Variants in TNRC6C observed in about 807,000 individuals in gnomAD.
TNRC6C encodes the protein trinucleotide repeat-containing gene 6C protein.
In TNRC6C, 20 loss-of-function variants were observed where a neutral mutation model predicts 153.7. That is an observed-to-expected ratio of 0.13 (90% CI 0.09 to 0.19). The LOEUF is 0.19. TNRC6C is among the 10% of genes least tolerant of loss of function. The probability of loss-of-function intolerance (pLI) is 1.00; values close to 1 mark genes in which losing one functional copy is unlikely to be tolerated. For synonymous variants in TNRC6C, 811 were observed against 841.4 expected, an observed-to-expected ratio of 0.96 and a Z score of 0.63; for missense variants, 1,987 against 2,172.0, an observed-to-expected ratio of 0.91 and a Z score of 1.69.
chr17:78,097,925 C>G (rs2073517416), intron 16 of TNRC6C, 64 bp downstream of exon 19: 2 of 1,290,242 alleles, frequency 1.6e-6, no homozygotes, highest in Non-Finnish European at 2.1e-6. Context: ...AAAACTTTGA[C>G]AGGCCCCAGC....
At chr17:78,055,213 C>CT (rs956856198) in intron 3 of TNRC6C, among the ~76,000 whole-genome samples, 5 of 151,674 alleles carry the variant, frequency 3.3e-5, no homozygotes, top group South Asian at 2.1e-4. Flanking sequence ...ATTCTATGAG[C>CT]TTTTTTTTTG....
At chr17:78,024,943 G>A (rs1268256269) in intron 1 of TNRC6C, among the ~76,000 whole-genome samples, 3 of 151,442 alleles carry the variant, frequency 2.0e-5, no homozygotes, top group African/African-American at 4.8e-5. Context: ...ACAGGTGTGC[G>A]CCATGACGCC....
At chr17:78,051,432 A>G (rs959372435) in exon 3 of TNRC6C, 1 of 1,494,438 alleles carries the variant, frequency 6.7e-7, no homozygotes, top group South Asian at 1.3e-5. Flanking sequence ...TGAATCGATC[A>G]CCGTTGCTTG....
intron 2 of TNRC6C, among the ~76,000 whole-genome samples, chr17:78,036,716 G>A (rs906397712): frequency 5.9e-5 from 9 of 152,096 alleles, no homozygotes; most frequent in African/African-American, 2.2e-4. Context: ...CTGAGGTCAG[G>A]AGTTTAAGAC....
At position 78,104,613 on chromosome 17, in the gene TNRC6C, C is replaced by A; in HGVS notation, c.4841C>A (p.Pro1614Gln). Residue 1614 changes from proline to glutamine, a missense_variant, in exon 20 of 20, where the codon CCG (proline) becomes CAG (glutamine). This residue lies in a region of TNRC6C where 139 missense variants were observed against 148.5 expected (regional missense o/e 0.94). Transcript: ENST00000301624. The surrounding 1 kb of genome is among the most constrained non-coding windows in gnomAD (Gnocchi z 6.2). ...CAGTCCAGCAGCGCGTCCAGCCAGC[C>A]GCGGCTCAGCGCAGCGGGCAGCTCC... 1 of 1,549,680 alleles carries A rather than the reference C, an allele frequency of 6.5e-7. No homozygotes were observed. Among genetic ancestry groups the A allele is most frequent in the Non-Finnish European group, 8.7e-7 (1 of 1,147,062 alleles).
intron 1 of TNRC6C, among the ~76,000 whole-genome samples, chr17:77,975,394 G>T (rs2070984533): frequency 6.6e-6 from 1 of 152,194 alleles, no homozygotes; most frequent in African/African-American, 2.4e-5. Context: ...GTGTTGAAAT[G>T]TGCTGGTGGG....
chr17:78,045,120 G>T (rs1225706589), intron 2 of TNRC6C, among the ~76,000 whole-genome samples: 1 of 152,152 alleles, frequency 6.6e-6, no homozygotes, highest in Non-Finnish European at 1.5e-5. Context: ...AAAGAGCACT[G>T]TATGCAGTGT....
At chr17:78,014,651 G>A (rs2071695207) in intron 1 of TNRC6C, among the ~76,000 whole-genome samples, 1 of 149,356 alleles carries the variant, frequency 6.7e-6, no homozygotes, top group Admixed American at 6.7e-5. Context: ...ATTGAGAGTG[G>A]CATTTGGTAC....
intron 1 of TNRC6C, among the ~76,000 whole-genome samples, chr17:77,996,407 T>G (rs1027115273): frequency 1.3e-5 from 2 of 152,184 alleles, no homozygotes; most frequent in Non-Finnish European, 2.9e-5. Context: ...CCGTGCAGCC[T>G]AGAGAATCCA....
At chr17:78,048,325 C>A (rs1323269673) in intron 2 of TNRC6C, among the ~76,000 whole-genome samples, 1 of 152,122 alleles carries the variant, frequency 6.6e-6, no homozygotes, top group African/African-American at 2.4e-5. Flanking sequence ...CACCACTTCC[C>A]CCACCCCAAA....
At chr17:78,102,311 G>A (rs1236860732) in intron 17 of TNRC6C, among the ~76,000 whole-genome samples, 163 bp from the exon 21 acceptor site, 4 of 152,206 alleles carry the variant, frequency 2.6e-5, no homozygotes, top group African/African-American at 4.8e-5. Flanking sequence ...TGAGGTTTTG[G>A]TTTACCAAAG....
intron 13 of TNRC6C, among the ~76,000 whole-genome samples, chr17:78,090,217 A>G (rs925856316): frequency 2.6e-5 from 4 of 152,166 alleles, no homozygotes; most frequent in Non-Finnish European, 4.4e-5. Flanking sequence ...AAAAATGGCT[A>G]TAGTGGGTCT....
At chr17:77,969,283 C>T (rs1286415174) in intron 1 of TNRC6C, among the ~76,000 whole-genome samples, 1 of 151,382 alleles carries the variant, frequency 6.6e-6, no homozygotes, top group African/African-American at 2.4e-5. Flanking sequence ...GGCAGAGTCT[C>T]GCTGTCACCA....
chr17:78,059,717 C>T (rs1011604018), intron 3 of TNRC6C, among the ~76,000 whole-genome samples: 2 of 151,786 alleles, frequency 1.3e-5, no homozygotes, highest in African/African-American at 4.8e-5. Flanking sequence ...GGCATAGTGG[C>T]ACACGCCTCT....
chr17:78,035,014 C>G (rs1822844164), intron 2 of TNRC6C, among the ~76,000 whole-genome samples: 1 of 152,152 alleles, frequency 6.6e-6, no homozygotes, highest in Non-Finnish European at 1.5e-5. Context: ...ATCTCTGAAC[C>G]ATAGGTGAGG....
intron 1 of TNRC6C, among the ~76,000 whole-genome samples, chr17:78,006,561 C>CCTTCTTCCTT (rs1567911022): frequency 3.6e-5 from 4 of 112,054 alleles, no homozygotes; most frequent in African/African-American, 1.3e-4. Context: ...TCTTCTTCTT[C>CCTTCTTCCTT]CTTCTTCCTT....
intron 16 of TNRC6C, among the ~76,000 whole-genome samples, chr17:78,096,927 A>G (rs1217277884): frequency 6.6e-6 from 1 of 152,208 alleles, no homozygotes; most frequent in African/African-American, 2.4e-5. Context: ...TGGCCCATTT[A>G]TCCTAAGTCT....
At chr17:77,958,357 C>A (rs532682919), upstream of TNRC6C, among the ~76,000 whole-genome samples, 5 of 152,138 alleles carry the variant, frequency 3.3e-5, no homozygotes, top group African/African-American at 9.6e-5. Context: ...GTAACCCCCC[C>A]GAGCAGTGCA....
chr17:78,091,513 G>A, exon 14 of TNRC6C: 2 of 1,609,622 alleles, frequency 1.2e-6, no homozygotes, highest in Non-Finnish European at 1.7e-6. Context: ...ACCCATCCCA[G>A]TCCCAGTCAC....
Sources: allele counts gnomAD v4.1 joint callset (sites outside exome capture counted in the v4.1 genomes callset), GRCh38; gene constraint gnomAD v4.1.1; regional missense constraint gnomAD v4.1.1; non-coding constraint Gnocchi (gnomAD v3.1); transcripts MANE v1.5; gene names NCBI Gene and HGNC (gene_info 2026-07-23, HGNC 2026-07-21).